Variants in ARMC2 observed in about 807,000 individuals in gnomAD.
The protein encoded by ARMC2 is armadillo repeat-containing protein 2.
In ARMC2, 67 loss-of-function variants were observed where a neutral mutation model predicts 90.3. The ratio of observed to expected loss-of-function variants is 0.74; its 90% CI spans 0.61 to 0.91. ARMC2 has a LOEUF of 0.91. Ranked by LOEUF, ARMC2 falls within the 40% of genes least tolerant of loss-of-function variation. The pLI, the probability that ARMC2 is intolerant of heterozygous loss-of-function variation, is 0.00. For missense variants in ARMC2, 920 were observed against 1,030.9 expected (o/e 0.89, Z 1.47); for synonymous variants, 393 against 393.0 (o/e 1.00, Z 0.00).
chr6:108,939,329 G>A (rs1033678543), intron 12 of ARMC2, among the ~76,000 whole-genome samples: 6 of 152,092 alleles, frequency 3.9e-5, no homozygotes, highest in South Asian at 2.1e-4. Flanking sequence ...GTAATCCCCT[G>A]GATTGGAGGT....
intron 10 of ARMC2, chr6:108,923,113 T>C (rs2128482102): frequency 6.6e-6 from 1 of 152,344 alleles, no homozygotes; most frequent in Admixed American, 6.5e-5. Context: ...TTAAAACTTG[T>C]GTTTTTCAGT....
intron 5 of ARMC2, among the ~76,000 whole-genome samples, chr6:108,890,178 A>C (rs1770820528): frequency 8.8e-6 from 1 of 113,758 alleles, no homozygotes; most frequent in Non-Finnish European, 1.7e-5. Context: ...TGACAGAGCG[A>C]GACTCCGTCT....
chr6:108,979,939 C>A, the ARMC2 span, among the ~76,000 whole-genome samples: 1 of 151,946 alleles, frequency 6.6e-6, no homozygotes. Context: ...TTAGAACATG[C>A]TCCTTTAGCT....
At chr6:108,983,507 G>A in the ARMC2 span, among the ~76,000 whole-genome samples, 7 of 152,282 alleles carry the variant, frequency 4.6e-5, no homozygotes, top group African/African-American at 1.7e-4. Context: ...TAAAGAGACT[G>A]TCCTGTCCTT....
chr6:109,043,492 G>A, the ARMC2 span, among the ~76,000 whole-genome samples: 2 of 152,034 alleles, frequency 1.3e-5, no homozygotes, highest in East Asian at 1.9e-4. Flanking sequence ...AAAAAACAAC[G>A]AATTCCTAGA....
At position 108,858,276 on chromosome 6, in the gene ARMC2, G is replaced by A; in HGVS notation, c.291+5G>A. The A allele has an allele frequency of 6.3e-7, 1 of 1,597,104 alleles. No homozygotes were observed. Among genetic ancestry groups the A allele is most frequent in the Middle Eastern group, 1.7e-4 (1 of 6,022 alleles). ...CGTCTTAGTCCACTAGAGCTGGTGA[G>A]TACTTTGTATAACCACCAGTAATTT... On this transcript the variant is annotated splice_donor_5th_base_variant and intron_variant, in intron 3 of 17. Transcript: ENST00000392644.
intron 7 of ARMC2, among the ~76,000 whole-genome samples, chr6:108,903,034 G>A (rs1334168662): frequency 6.6e-6 from 1 of 152,050 alleles, no homozygotes; most frequent in Non-Finnish European, 1.5e-5. Context: ...CAGGTGTGGT[G>A]ACAAGCGTCT....
At chr6:108,930,193 C>T (rs996260514) in intron 11 of ARMC2, among the ~76,000 whole-genome samples, 3 of 151,186 alleles carry the variant, frequency 2.0e-5, no homozygotes, top group Admixed American at 2.0e-4. Context: ...ATTAATCTTG[C>T]ATTGATAGCT....
intron 13 of ARMC2, among the ~76,000 whole-genome samples, chr6:108,959,261 T>TA (rs1777814617): frequency 6.6e-6 from 1 of 152,134 alleles, no homozygotes; most frequent in Non-Finnish European, 1.5e-5. Context: ...TAGTAATTTA[T>TA]AAAAAGGCTG....
At chr6:109,014,431 G>C in the ARMC2 span, among the ~76,000 whole-genome samples, 37 of 152,276 alleles carry the variant, frequency 2.4e-4, no homozygotes, top group African/African-American at 8.9e-4. Flanking sequence ...GTAAAATTCA[G>C]CCTGGAATTA....
chr6:108,998,723 G>T, the ARMC2 span: 3 of 1,613,442 alleles, frequency 1.9e-6, no homozygotes, highest in Non-Finnish European at 2.5e-6. Flanking sequence ...ATTCCGCAAG[G>T]GACCAGCTGT....
At chr6:108,987,561 T>C in the ARMC2 span, 1 of 1,596,464 alleles carries the variant, frequency 6.3e-7, no homozygotes, top group Non-Finnish European at 8.6e-7. Flanking sequence ...ATATAGCGGG[T>C]AATGGCTCTC....
At chr6:108,968,925 T>C (rs1341346106) in intron 17 of ARMC2, among the ~76,000 whole-genome samples, 2 of 152,184 alleles carry the variant, frequency 1.3e-5, no homozygotes, top group Non-Finnish European at 1.5e-5. Flanking sequence ...AAGAACGTGG[T>C]CTGAAACTTC....
the ARMC2 span, chr6:109,000,609 C>T: frequency 2.5e-6 from 4 of 1,611,928 alleles, no homozygotes; most frequent in African/African-American, 2.7e-5. Context: ...GGGGTCCCCA[C>T]CAACATGAAG....
At chr6:108,889,783 C>T (rs974244992) in intron 5 of ARMC2, among the ~76,000 whole-genome samples, 5 of 151,812 alleles carry the variant, frequency 3.3e-5, no homozygotes, top group East Asian at 1.9e-4. Context: ...TTGTAGTCCA[C>T]TTCTCCCACT....
At chr6:109,032,049 CA>C in the ARMC2 span, among the ~76,000 whole-genome samples, 1 of 152,112 alleles carries the variant, frequency 6.6e-6, no homozygotes, top group Non-Finnish European at 1.5e-5. Flanking sequence ...TTCCGCGGAT[CA>C]CCTGAGGTCG....
At chr6:108,885,115 G>A (rs564534359) in intron 5 of ARMC2, among the ~76,000 whole-genome samples, 3 of 152,102 alleles carry the variant, frequency 2.0e-5, no homozygotes, top group Admixed American at 6.5e-5. Context: ...GGAATTTAAG[G>A]TTAACTAAGT....
intron 17 of ARMC2, among the ~76,000 whole-genome samples, chr6:108,971,711 C>G (rs1022565606): frequency 6.6e-6 from 1 of 152,056 alleles, no homozygotes; most frequent in African/African-American, 2.4e-5. Context: ...CACTTGAGGT[C>G]AGGAGTTGGA....
chr6:108,989,513 A>ATGGAGAGAGATATC, the ARMC2 span, among the ~76,000 whole-genome samples: 1 of 150,796 alleles, frequency 6.6e-6, no homozygotes, highest in African/African-American at 2.4e-5. Flanking sequence ...ATCTATATAT[A>ATGGAGAGAGATATC]TATAGAGAGA....
Sources: gnomAD v4.1 joint callset for allele counts (sites outside exome capture counted in the v4.1 genomes callset) on GRCh38, gnomAD v4.1.1 for gene constraint, MANE v1.5 for transcripts, NCBI Gene and HGNC (gene_info 2026-07-23, HGNC 2026-07-21) for gene names.